RBFOX3: variants seen among roughly 807,000 people sequenced by gnomAD.
The protein encoded by RBFOX3 is RNA binding protein fox-1 homolog 3.
RBFOX3 carries 17 observed loss-of-function variants against 48.7 expected under a neutral mutation model. That is an observed-to-expected ratio of 0.35 (90% CI 0.24 to 0.52). The LOEUF (loss-of-function observed/expected upper bound fraction) is 0.52, where lower values mean the gene tolerates loss of function less well. Ranked by LOEUF, RBFOX3 falls within the 20% of genes least tolerant of loss-of-function variation. The probability of loss-of-function intolerance (pLI) is 0.94; values close to 1 mark genes in which losing one functional copy is unlikely to be tolerated. For synonymous variants in RBFOX3, 212 were observed against 209.5 expected (o/e 1.01, Z -0.10); for missense variants, 382 against 497.5 (o/e 0.77, Z 2.21).
chr17:79,179,639 C>T (rs2051421270), intron 4 of RBFOX3, among the ~76,000 whole-genome samples: 1 of 152,128 alleles, frequency 6.6e-6, no homozygotes, highest in Non-Finnish European at 1.5e-5. Context: ...TTATAGGAGA[C>T]TGCAGTTTAA....
intron 2 of RBFOX3, among the ~76,000 whole-genome samples, chr17:79,322,379 G>A (rs1258612242): frequency 6.6e-6 from 1 of 152,214 alleles, no homozygotes; most frequent in East Asian, 1.9e-4. Context: ...AAGTCATTAA[G>A]TGAGATGGCA....
At chr17:79,575,454 G>T (rs1248233203) in intron 1 of RBFOX3, among the ~76,000 whole-genome samples, 1 of 152,160 alleles carries the variant, frequency 6.6e-6, no homozygotes, top group Non-Finnish European at 1.5e-5. Flanking sequence ...AGCCAGCAGG[G>T]CTGGGGGACG....
At chr17:79,188,177 C>A (rs74907485) in intron 4 of RBFOX3, among the ~76,000 whole-genome samples, 15,531 of 152,262 alleles carry the variant, frequency 0.1, 825 homozygotes, top group South Asian at 0.12. Context: ...ACCACCTTCA[C>A]CGGCTGGCCT....
intron 4 of RBFOX3, among the ~76,000 whole-genome samples, chr17:79,168,120 G>A (rs1028746568): frequency 2.6e-5 from 4 of 152,166 alleles, no homozygotes; most frequent in Non-Finnish European, 1.5e-5. Context: ...GAGCCCAGAG[G>A]GCTCTGATGC....
chr17:79,175,400 C>T (rs919089947), intron 4 of RBFOX3, among the ~76,000 whole-genome samples: 3 of 152,240 alleles, frequency 2.0e-5, no homozygotes, highest in Non-Finnish European at 4.4e-5. Flanking sequence ...CCTGTCATAA[C>T]GGCTTCAGAT....
At chr17:79,495,623 A>G (rs1373558100) in intron 1 of RBFOX3, among the ~76,000 whole-genome samples, 1 of 30,440 alleles carries the variant, frequency 3.3e-5, no homozygotes, top group Non-Finnish European at 6.0e-5. Flanking sequence ...AGGTGGGGGA[A>G]AGGGTACTGG....
intron 4 of RBFOX3, among the ~76,000 whole-genome samples, chr17:79,213,567 C>T (rs1394131722): frequency 1.3e-5 from 2 of 152,190 alleles, no homozygotes; most frequent in African/African-American, 4.8e-5. Flanking sequence ...CAGGGTCAGC[C>T]CCACTCTCCT....
At chr17:79,096,503 TG>T (rs1568117214) in intron 12 of RBFOX3, 149 bp downstream of exon 12, 1 of 669,458 alleles carries the variant, frequency 1.5e-6, no homozygotes, top group Non-Finnish European at 2.5e-6. Flanking sequence ...TGCCATACTC[TG>T]GGCAGACGTG....
chr17:79,420,125 TCATA>T (rs1478658973), intron 2 of RBFOX3, among the ~76,000 whole-genome samples: 44 of 25,246 alleles, frequency 1.7e-3, no homozygotes, highest in South Asian at 5.2e-3. Flanking sequence ...AGACTCCGTC[TCATA>T]CACACACACA....
intron 14 of RBFOX3, chr17:79,092,681 C>A: frequency 1.4e-5 from 13 of 901,580 alleles, no homozygotes; most frequent in Non-Finnish European, 1.7e-5. Flanking sequence ...TCAGTACCGT[C>A]TTTTGGAAGA....
At chr17:79,143,974 G>C (rs564382195) in intron 4 of RBFOX3, among the ~76,000 whole-genome samples, 60 of 152,358 alleles carry the variant, frequency 3.9e-4, no homozygotes, top group African/African-American at 1.4e-3. Context: ...TGGCCACGAA[G>C]GGGGACAGAC....
At chr17:79,427,863 T>C (rs1468658360) in intron 2 of RBFOX3, among the ~76,000 whole-genome samples, 2 of 152,204 alleles carry the variant, frequency 1.3e-5, no homozygotes, top group African/African-American at 2.4e-5. Flanking sequence ...CATGAACACG[T>C]GTACACACGT....
intron 4 of RBFOX3, among the ~76,000 whole-genome samples, chr17:79,193,955 C>A (rs576446154): frequency 6.6e-6 from 1 of 152,128 alleles, no homozygotes; most frequent in South Asian, 2.1e-4. Context: ...AGTGGGAGAG[C>A]ATGAAGGGAG....
At chr17:79,145,220 T>C (rs1274187308) in intron 4 of RBFOX3, among the ~76,000 whole-genome samples, 2 of 152,172 alleles carry the variant, frequency 1.3e-5, no homozygotes, top group Non-Finnish European at 2.9e-5. Context: ...CACAGGAGCC[T>C]GCGCACGTCC....
At position 79,482,834 on chromosome 17, in the gene RBFOX3, C is replaced by T. The variant is rs2078956074; in HGVS notation, c.-319-236G>A. Among the ~76,000 whole-genome samples, 2 of 152,016 alleles carry T rather than the reference C, an allele frequency of 1.3e-5. No homozygotes were observed. The highest frequency in any genetic ancestry group is 1.3e-4 in the Admixed American group (2 of 15,288). ...AAACACATCATTAGGACCCTATTGC[C>T]AAACAGCCACCGTGCAGTCCATCCC... On this transcript the variant is annotated intron_variant, in intron 1 of 14. Coordinates refer to ENST00000693108, the MANE Select transcript of RBFOX3 (RefSeq NM_001350451.2). The surrounding 1 kb of genome is among the most constrained non-coding windows in gnomAD (Gnocchi z 4.1).
rs372394843 is a variant in RBFOX3 at position 79,177,218 on chromosome 17, G to A, written c.-34+58548C>T. 2.9e-3 allele frequency among the ~76,000 whole-genome samples: 395 copies of A among 133,924 alleles called. 4 individuals are homozygous for A. The highest frequency in any genetic ancestry group is 0.011 in the African/African-American group (326 of 29,612). 87.9% of individuals were successfully genotyped at this position (133,924 alleles called of 152,430 possible). On this transcript the variant is annotated intron_variant, in intron 4 of 14. Transcript: ENST00000693108. ...CACTGGCCTCCTCCTCTCCCCCCCC[G>A]CCCTCTCCCCAGCCTTGGAACCTGA... is the stretch of plus-strand genomic sequence containing the variant.
chr17:79,261,249 A>C (rs1208473419), intron 3 of RBFOX3, among the ~76,000 whole-genome samples: 1 of 152,194 alleles, frequency 6.6e-6, no homozygotes, highest in Non-Finnish European at 1.5e-5. Context: ...CCTGATGTAC[A>C]CACTGATGTG....
chr17:79,478,115 C>G (rs1216611290), intron 2 of RBFOX3, among the ~76,000 whole-genome samples: 1 of 152,238 alleles, frequency 6.6e-6, no homozygotes. Context: ...TCCCACGGCT[C>G]ATGCGGGCAG....
chr17:79,119,439 A>G (rs2035087372), intron 4 of RBFOX3, among the ~76,000 whole-genome samples: 1 of 152,226 alleles, frequency 6.6e-6, no homozygotes, highest in Non-Finnish European at 1.5e-5. Context: ...GGAGGACCCC[A>G]GAGAGCAGCA....
Sources: allele counts gnomAD v4.1 joint callset (sites outside exome capture counted in the v4.1 genomes callset), GRCh38; gene constraint gnomAD v4.1.1; non-coding constraint Gnocchi (gnomAD v3.1); transcripts MANE v1.5; gene names NCBI Gene and HGNC (gene_info 2026-07-23, HGNC 2026-07-21).